The following ZNF638 variants were observed in gnomAD, a reference collection of about 807,000 sequenced individuals.
ZNF638 encodes the protein CTCL tumor antigen se33-1.
In ZNF638, 46 loss-of-function variants were observed where a neutral mutation model predicts 195.6. That is an observed-to-expected ratio of 0.24 (90% CI 0.19 to 0.30). The LOEUF is 0.30. Ranked by LOEUF, ZNF638 falls within the 10% of genes least tolerant of loss-of-function variation. The pLI, the probability that ZNF638 is intolerant of heterozygous loss-of-function variation, is 1.00. For missense variants in ZNF638, 2,440 were observed against 2,325.3 expected (o/e 1.05, Z -1.01); for synonymous variants, 845 against 772.0 (o/e 1.09, Z -1.57).
intron 8 of ZNF638, 32 bp downstream of exon 8, chr2:71,370,037 CA>C (rs746461612): frequency 1.3e-6 from 2 of 1,579,668 alleles, no homozygotes; most frequent in South Asian, 1.2e-5. Flanking sequence ...AATGTTTTAT[CA>C]CTGTTGTTTT....
intron 1 of ZNF638, among the ~76,000 whole-genome samples, chr2:71,339,560 G>T (rs2078730099): frequency 6.6e-6 from 1 of 152,200 alleles, no homozygotes; most frequent in Admixed American, 6.5e-5. Flanking sequence ...GGCAGAGAGG[G>T]CAAGGATGAG....
At chr2:71,354,684 C>G (rs899190575) in intron 2 of ZNF638, among the ~76,000 whole-genome samples, 1 of 150,758 alleles carries the variant, frequency 6.6e-6, no homozygotes, top group Admixed American at 6.6e-5. Flanking sequence ...GTGCAGTGAT[C>G]CGAGATCGCC....
intron 19 of ZNF638, chr2:71,407,636 CA>C (rs1447437226): frequency 6.6e-6 from 1 of 152,384 alleles, no homozygotes; most frequent in Non-Finnish European, 1.5e-5. Context: ...CAACCATCAC[CA>C]CCATCCATTT....
In ZNF638 at chr2:71,349,059, A is replaced by G; in HGVS notation, c.105A>G (p.Gly35=). 1 of 1,614,188 alleles carries G rather than the reference A, an allele frequency of 6.2e-7. No individual in the cohort carries two copies. The highest frequency in any genetic ancestry group is 8.5e-7 in the Non-Finnish European group (1 of 1,180,034). Residue 35 remains glycine, a synonymous_variant, in exon 2 of 28, where the codon GGA becomes GGG. Transcript: ENST00000264447. ...CTCCAGGACCATTTATGAGGCCTGG[A>G]TCTATGGGTCTCCCAAGATTTTACC... ...MRPPGPFMRP[G]SMGLPRFYPA...
At chr2:71,402,218 TA>T in intron 16 of ZNF638, 131 bp downstream of exon 16, 1 of 920,452 alleles carries the variant, frequency 1.1e-6, no homozygotes, top group Non-Finnish European at 1.5e-6. Flanking sequence ...TAAGGGATTT[TA>T]AAATATAAAA....
At position 71,427,111 on chromosome 2, in the gene ZNF638, T is replaced by A. The variant is rs760107341; in HGVS notation, c.5242T>A (p.Leu1748Ile). The A allele has an allele frequency of 1.2e-6, 2 of 1,614,182 alleles. No homozygotes were observed. Among genetic ancestry groups the A allele is most frequent in the African/African-American group, 2.7e-5 (2 of 75,058 alleles). ...EIQDDSSDLH[L>I]VTLDEVTEED... ...ACAAGATGACAGCAGTGATTTGCATTTAGTGACTTTGGATGAAGTAACTGA... is the reference window on the plus strand; with the variant it reads ...ACAAGATGACAGCAGTGATTTGCATATAGTGACTTTGGATGAAGTAACTGA... The change falls in exon 24 of 28, where the codon TTA (leucine) becomes ATA (isoleucine). Residue 1748 changes from leucine to isoleucine, a missense_variant. By Grantham distance (5) the Leu-to-Ile change is conservative. Around this residue, in one of 5 missense-constraint regions of ZNF638, gnomAD observed 1,883 missense variants for 1,739.1 expected, o/e 1.08. Coordinates refer to ENST00000264447, the MANE Select transcript of ZNF638 (RefSeq NM_014497.5).
chr2:71,369,797 A>T, intron 7 of ZNF638, 86 bp from the exon 8 acceptor site: 1 of 1,347,694 alleles, frequency 7.4e-7, no homozygotes, highest in Non-Finnish European at 1.0e-6. Context: ...GTTTGATGTT[A>T]CAAAAGAAAG....
intron 1 of ZNF638, among the ~76,000 whole-genome samples, chr2:71,342,511 T>A (rs1424283636): frequency 6.6e-6 from 1 of 152,208 alleles, no homozygotes; most frequent in Non-Finnish European, 1.5e-5. Context: ...TGCCTCTTTT[T>A]GCCAGTGCAT....
At position 71,417,053 on chromosome 2, in the gene ZNF638, A is replaced by G. The variant is rs902551997; in HGVS notation, c.3262-1549A>G. On this transcript the variant is annotated intron_variant, in intron 20 of 27. Transcript: ENST00000264447. ...TTGTTTACCTAAGCAAGCCTGGGCA[A>G]TGGCGGGCGCCCCTCCCCCAGCCTC... 4.8e-5 allele frequency among the ~76,000 whole-genome samples: 6 copies of G among 125,566 alleles called. No homozygotes were observed. In the East Asian group the frequency reaches 7.5e-4, roughly 16 times the overall value. The allele number at this position is 125,566 out of a possible 152,430, so 82.4% of individuals were successfully genotyped here.
intron 6 of ZNF638, among the ~76,000 whole-genome samples, chr2:71,368,115 A>G (rs549021260): frequency 8.5e-5 from 13 of 152,234 alleles, no homozygotes; most frequent in African/African-American, 3.1e-4. Flanking sequence ...TATCAACAGA[A>G]AAGAGCACCT....
chr2:71,408,583 A>G (rs1242674951), intron 20 of ZNF638: 2 of 298,996 alleles, frequency 6.7e-6, no homozygotes, highest in South Asian at 3.3e-5. Flanking sequence ...CTGGGTAGAA[A>G]GAAGTTTGTT....
intron 15 of ZNF638, among the ~76,000 whole-genome samples, chr2:71,401,691 A>C (rs1301566002): frequency 6.6e-6 from 1 of 151,968 alleles, no homozygotes; most frequent in African/African-American, 2.4e-5. Context: ...AAAAAAAAAA[A>C]CAGTGGGTGA....
chr2:71,418,127 A>G (rs1986522), intron 20 of ZNF638: 71,009 of 152,078 alleles, frequency 0.47, 18,520 homozygotes, highest in Admixed American at 0.62. Context: ...CACATATCAG[A>G]TAAATATTTA....
chr2:71,428,173 C>T lies in ZNF638; in HGVS notation c.5546-374C>T, dbSNP rs186722879. Among the ~76,000 whole-genome samples the T allele has an allele frequency of 2.4e-3, 368 of 152,178 alleles. 1 individual carries two copies. Among genetic ancestry groups the T allele is most frequent in the African/African-American group, 8.5e-3 (354 of 41,528 alleles). ...TGCCACTGCACTCCAACCTTGGTAA[C>T]AGAGTGAGCCACTTTGTCTCCAAAA... On this transcript the variant is annotated intron_variant, in intron 24 of 27. Transcript: ENST00000264447.
At chr2:71,340,467 A>C (rs1356198160) in intron 1 of ZNF638, among the ~76,000 whole-genome samples, 4 of 152,196 alleles carry the variant, frequency 2.6e-5, no homozygotes, top group Admixed American at 1.3e-4. Flanking sequence ...CTGAATAAAC[A>C]ATCAGCCTCT....
intron 1 of ZNF638, among the ~76,000 whole-genome samples, chr2:71,347,496 G>GAC (rs1212062758): frequency 6.6e-6 from 1 of 152,186 alleles, no homozygotes; most frequent in African/African-American, 2.4e-5. Context: ...GCTTGAACCA[G>GAC]ACAGTGATGG....
chr2:71,402,462 A>G (rs1359176975), intron 16 of ZNF638, among the ~76,000 whole-genome samples: 2 of 152,148 alleles, frequency 1.3e-5, no homozygotes, highest in East Asian at 1.9e-4. Flanking sequence ...TATATGAGAA[A>G]GAACTTACAC....
chr2:71,347,868 A>G (rs942036746), intron 1 of ZNF638, among the ~76,000 whole-genome samples: 2 of 152,196 alleles, frequency 1.3e-5, no homozygotes, highest in African/African-American at 4.8e-5. Flanking sequence ...CTTGAATACA[A>G]ATCTCAGCAC....
chr2:71,378,477 A>G (rs2079476550), intron 8 of ZNF638, among the ~76,000 whole-genome samples: 1 of 152,240 alleles, frequency 6.6e-6, no homozygotes, highest in Non-Finnish European at 1.5e-5. Context: ...TGAAATTCAG[A>G]TCAATTAACA....
Sources: allele counts gnomAD v4.1 joint callset (sites outside exome capture counted in the v4.1 genomes callset), GRCh38; gene constraint gnomAD v4.1.1; regional missense constraint gnomAD v4.1.1; transcripts MANE v1.5; gene names NCBI Gene and HGNC (gene_info 2026-07-23, HGNC 2026-07-21).